NCAM1: variants seen among roughly 807,000 people sequenced by gnomAD.
NCAM1 encodes neural cell adhesion molecule 1.
NCAM1 carries 14 observed loss-of-function variants against 109.8 expected under a neutral mutation model. The observed-to-expected ratio is 0.13, with a 90% confidence interval of 0.08 to 0.20. The LOEUF (loss-of-function observed/expected upper bound fraction) is 0.20. NCAM1 is among the 10% of genes least tolerant of loss of function. The probability of loss-of-function intolerance (pLI) is 1.00; values close to 1 mark genes in which losing one functional copy is unlikely to be tolerated. For synonymous variants in NCAM1, 418 were observed against 442.9 expected (o/e 0.94, Z 0.70); for missense variants, 774 against 1,109.9 (o/e 0.70, Z 4.30).
intron 1 of NCAM1, among the ~76,000 whole-genome samples, chr11:113,126,809 A>G (rs1442272258): frequency 4.6e-5 from 7 of 152,246 alleles, no homozygotes. Flanking sequence ...GCAAATTCAC[A>G]GCAGAAAAAC....
chr11:113,229,738 G>A (rs1198613533), intron 9 of NCAM1, among the ~76,000 whole-genome samples: 1 of 152,198 alleles, frequency 6.6e-6, no homozygotes, highest in Non-Finnish European at 1.5e-5. Flanking sequence ...ATACACCATG[G>A]AATACTATGC....
chr11:113,264,350 G>A (rs1040329362), intron 17 of NCAM1: 13 of 985,214 alleles, frequency 1.3e-5, no homozygotes, highest in East Asian at 1.1e-4. Flanking sequence ...GTTGGCGCTC[G>A]CCATTAATCC....
intron 1 of NCAM1, among the ~76,000 whole-genome samples, chr11:113,007,757 C>T (rs551907264): frequency 1.3e-5 from 2 of 152,274 alleles, no homozygotes; most frequent in East Asian, 3.9e-4. Flanking sequence ...ACACTCTTAC[C>T]AGATGCTGCA....
chr11:113,038,378 T>C (rs957084383), intron 1 of NCAM1, among the ~76,000 whole-genome samples: 13 of 152,298 alleles, frequency 8.5e-5, no homozygotes, highest in African/African-American at 2.9e-4. Flanking sequence ...TGATTATTTG[T>C]AGTTGAAAAG....
intron 1 of NCAM1, among the ~76,000 whole-genome samples, chr11:113,115,499 C>T (rs1202538810): frequency 1.3e-5 from 2 of 152,132 alleles, no homozygotes; most frequent in African/African-American, 4.8e-5. Flanking sequence ...AATACCCTAC[C>T]CTCCACCTCA....
chr11:113,025,812 AGAGAGAGAGAGG>A (rs1160206991), intron 1 of NCAM1, among the ~76,000 whole-genome samples: 2 of 150,404 alleles, frequency 1.3e-5, no homozygotes, highest in African/African-American at 2.5e-5. Flanking sequence ...AGAGAGAGAG[AGAGAGAGAGAGG>A]GAGAGAGAGA....
intron 1 of NCAM1, among the ~76,000 whole-genome samples, chr11:113,186,342 A>T (rs1469291889): frequency 6.6e-6 from 1 of 152,178 alleles, no homozygotes; most frequent in Non-Finnish European, 1.5e-5. Context: ...ATGCCTGATG[A>T]TCACAGCTGA....
intron 1 of NCAM1, among the ~76,000 whole-genome samples, chr11:113,180,169 A>G (rs549420851): frequency 1.3e-5 from 2 of 152,170 alleles, no homozygotes; most frequent in South Asian, 2.1e-4. Context: ...TTCTCACTTC[A>G]TCTCATAGGC....
chr11:113,042,374 A>C lies in NCAM1; in HGVS notation c.52+80710A>C, dbSNP rs549266524. Among the ~76,000 whole-genome samples, 3 of 152,274 alleles carry C rather than the reference A, an allele frequency of 2.0e-5. No homozygotes were observed. In the South Asian group the frequency reaches 6.2e-4, roughly 32 times the overall value. ...CTCAACCTCGGCCTCAGGCCTCTGC[A>C]GCATCTTCCTCCCTCTGCCCTTTGG... On this transcript the variant is annotated intron_variant, in intron 1 of 19. Coordinates refer to ENST00000316851, the MANE Select transcript of NCAM1 (RefSeq NM_181351.5).
Position 113,000,625 on chromosome 11 carries a change from A to G in NCAM1, c.52+38961A>G, listed in dbSNP as rs549131252. On this transcript the variant is annotated intron_variant, in intron 1 of 19. Transcript: ENST00000316851. ...GAATTAAAATATAGCCTCCTAAGGT[A>G]CAGATGGCATCTTCTGGGGGTCAGA... Among the ~76,000 whole-genome samples, 5 of 151,980 alleles carry G rather than the reference A, an allele frequency of 3.3e-5. No homozygotes were observed. The East Asian group carries it at 7.7e-4, about 23-fold the overall frequency.
chr11:113,175,398 G>A (rs1943116062), intron 1 of NCAM1, among the ~76,000 whole-genome samples: 1 of 152,138 alleles, frequency 6.6e-6, no homozygotes, highest in Non-Finnish European at 1.5e-5. Context: ...ACCCTAGTTG[G>A]GAAACTTTGC....
chr11:112,965,744 C>T (rs1051145943), intron 1 of NCAM1, among the ~76,000 whole-genome samples: 2 of 152,192 alleles, frequency 1.3e-5, no homozygotes, highest in African/African-American at 2.4e-5. Context: ...TGTGGCTGCT[C>T]TCCAGACTGA....
intron 1 of NCAM1, among the ~76,000 whole-genome samples, chr11:113,042,029 G>A (rs1194027254): frequency 6.6e-6 from 1 of 152,038 alleles, no homozygotes; most frequent in African/African-American, 2.4e-5. Context: ...GCTGAACTTT[G>A]CCCTTGTCAC....
At chr11:113,194,034 C>T (rs1264254432) in intron 1 of NCAM1, among the ~76,000 whole-genome samples, 1 of 152,136 alleles carries the variant, frequency 6.6e-6, no homozygotes, top group Non-Finnish European at 1.5e-5. Flanking sequence ...TGGCTTGGCT[C>T]TGTGTTCTGA....
At chr11:112,987,348 C>T (rs1454148954) in intron 1 of NCAM1, among the ~76,000 whole-genome samples, 4 of 151,964 alleles carry the variant, frequency 2.6e-5, no homozygotes, top group African/African-American at 9.7e-5. Flanking sequence ...CATGTGTGCT[C>T]GAGAAGATTG....
chr11:112,977,352 C>T (rs1236864241), intron 1 of NCAM1: 1 of 151,756 alleles, frequency 6.6e-6, no homozygotes, highest in Non-Finnish European at 1.5e-5. Context: ...AATGCAATTT[C>T]TAGTATTATA....
intron 3 of NCAM1, 67 bp from the exon 4 acceptor site, chr11:113,205,456 C>A (rs1375758709): frequency 1.9e-5 from 30 of 1,547,060 alleles, no homozygotes; most frequent in Non-Finnish European, 2.6e-5. Context: ...GGTACCATGG[C>A]TCTAGTGAAA....
At chr11:113,082,131 A>G (rs1565425221) in intron 1 of NCAM1, among the ~76,000 whole-genome samples, 1 of 152,122 alleles carries the variant, frequency 6.6e-6, no homozygotes, top group East Asian at 1.9e-4. Flanking sequence ...TCTGATATTG[A>G]TTATAGGCTT....
chr11:113,102,856 A>G (rs1203536657), intron 1 of NCAM1, among the ~76,000 whole-genome samples: 1 of 152,206 alleles, frequency 6.6e-6, no homozygotes, highest in Non-Finnish European at 1.5e-5. Flanking sequence ...TTTAATTCTC[A>G]TTCCAGACTT....
Sources: gnomAD v4.1 joint callset for allele counts (sites outside exome capture counted in the v4.1 genomes callset) on GRCh38, gnomAD v4.1.1 for gene constraint, MANE v1.5 for transcripts, NCBI Gene and HGNC (gene_info 2026-07-23, HGNC 2026-07-21) for gene names.